The following NUDT6 variants were observed in gnomAD, a reference collection of about 807,000 sequenced individuals.
NUDT6 encodes the protein FAD diphosphatase NUDT6.
Under a neutral mutation model 36.8 loss-of-function variants are expected in NUDT6, and 24 were observed. The ratio of observed to expected loss-of-function variants is 0.65; its 90% confidence interval spans 0.47 to 0.92. The LOEUF is 0.92. Among genes scored for constraint, NUDT6 ranks in the 40% least tolerant of loss-of-function variants. The pLI, the probability that NUDT6 is intolerant of heterozygous loss-of-function variation, is 0.00. For missense variants in NUDT6, 388 were observed against 392.8 expected, an observed-to-expected ratio of 0.99 and a Z score of 0.10; for synonymous variants, 163 against 157.0, an observed-to-expected ratio of 1.04 and a Z score of -0.29.
At chr4:122,896,262 C>G (rs1421030781) in intron 4 of NUDT6, 1 of 151,966 alleles carries the variant, frequency 6.6e-6, no homozygotes, top group African/African-American at 2.4e-5. Flanking sequence ...ATACTTAGGC[C>G]TGAAATTATA....
upstream of NUDT6, chr4:122,922,947 T>C (rs1314737572): frequency 9.3e-6 from 6 of 646,280 alleles, no homozygotes; most frequent in Non-Finnish European, 1.6e-5. Flanking sequence ...CAGATGCCGT[T>C]ACAGCTGTTT....
chr4:122,897,363 G>T, intron 4 of NUDT6: 1 of 430,146 alleles, frequency 2.3e-6, no homozygotes, highest in Non-Finnish European at 4.2e-6. Context: ...CTCATTTTCA[G>T]ACAGATTAAT....
At chr4:122,907,496 G>T (rs569420850) in intron 3 of NUDT6, among the ~76,000 whole-genome samples, 26 of 147,314 alleles carry the variant, frequency 1.8e-4, no homozygotes, top group African/African-American at 6.1e-4. Flanking sequence ...AGTCACCCAG[G>T]CTGGAGTGCA....
chr4:122,900,059 C>A (rs547212616), intron 3 of NUDT6, among the ~76,000 whole-genome samples: 39 of 94,762 alleles, frequency 4.1e-4, no homozygotes, highest in South Asian at 1.1e-3. Flanking sequence ...CCCCCGCCAC[C>A]CCCCCCCCGG....
chr4:122,892,751 G>A lies in NUDT6; in HGVS notation c.*77C>T, dbSNP rs1727221658. ...ATACATTAGAAAATCACAGTCAGAT[G>A]TTTAATCAATCCAAAATGTCCACTA... On this transcript the variant is annotated 3_prime_UTR_variant, in exon 5 of 5. Transcript: ENST00000304430. 9 of 1,375,644 alleles carry A rather than the reference G, an allele frequency of 6.5e-6. No individual in the cohort carries two copies. Among genetic ancestry groups the A allele is most frequent in the Non-Finnish European group, 8.8e-6 (9 of 1,022,462 alleles). 85.2% of individuals were successfully genotyped at this position (1,375,644 alleles called of 1,614,324 possible).
chr4:122,909,021 T>C (rs549147409), intron 3 of NUDT6, among the ~76,000 whole-genome samples: 7 of 151,982 alleles, frequency 4.6e-5, no homozygotes, highest in Non-Finnish European at 1.0e-4. Flanking sequence ...GAAGAACTGA[T>C]AATTACTCTA....
chr4:122,921,111 C>T (rs916833473), intron 1 of NUDT6: 2 of 152,116 alleles, frequency 1.3e-5, no homozygotes, highest in Non-Finnish European at 2.9e-5. Flanking sequence ...TATCATTGGG[C>T]TCAAGGTTGA....
intron 4 of NUDT6, 122 bp from the exon 5 acceptor site, chr4:122,893,347 G>T: frequency 1.1e-6 from 1 of 893,412 alleles, no homozygotes; most frequent in Non-Finnish European, 1.6e-6. Flanking sequence ...ACAAAGTAAA[G>T]TTTTCAATAC....
intron 2 of NUDT6, among the ~76,000 whole-genome samples, chr4:122,916,182 T>C (rs72919879): frequency 0.044 from 6,737 of 152,182 alleles, 486 homozygotes; most frequent in African/African-American, 0.15. Context: ...GGTCCCACCA[T>C]AGACCTACTG....
intron 2 of NUDT6, 119 bp from the exon 3 acceptor site, chr4:122,912,742 A>G: frequency 1.5e-6 from 1 of 655,386 alleles, no homozygotes; most frequent in Non-Finnish European, 2.7e-6. Flanking sequence ...CTTGGTTCAA[A>G]TACAGGTTGA....
chr4:122,921,868 T>A (rs1482095363), intron 1 of NUDT6: 2 of 153,736 alleles, frequency 1.3e-5, no homozygotes, highest in African/African-American at 4.8e-5. Flanking sequence ...GGGAAAAGTG[T>A]CCGACAGAAC....
At chr4:122,901,684 T>C (rs1356527956) in intron 3 of NUDT6, among the ~76,000 whole-genome samples, 1 of 152,234 alleles carries the variant, frequency 6.6e-6, no homozygotes, top group Non-Finnish European at 1.5e-5. Flanking sequence ...CACTATTTCT[T>C]TGAAAACTTA....
At chr4:122,922,942 G>A, upstream of NUDT6, 1 of 628,234 alleles carries the variant, frequency 1.6e-6, no homozygotes, top group Non-Finnish European at 2.8e-6. Flanking sequence ...TTTCACAGAT[G>A]CCGTTACAGC....
chr4:122,918,426 A>G (rs1035723535), intron 1 of NUDT6: 4 of 152,232 alleles, frequency 2.6e-5, no homozygotes, highest in Non-Finnish European at 5.9e-5. Context: ...ATATTATCTC[A>G]TTAAGTGCAC....
At chr4:122,917,421 T>C in intron 2 of NUDT6, 80 bp downstream of exon 2, 1 of 1,147,962 alleles carries the variant, frequency 8.7e-7, no homozygotes, top group East Asian at 2.3e-5. Context: ...ATGAATAAAC[T>C]ATTTGCTTAG....
chr4:122,904,410 C>T (rs764712179), intron 3 of NUDT6, among the ~76,000 whole-genome samples: 87 of 152,204 alleles, frequency 5.7e-4, no homozygotes, highest in Non-Finnish European at 1.1e-3. Context: ...ACATCCCCTC[C>T]ACCCAGTTCT....
chr4:122,918,834 T>C (rs548191204), intron 1 of NUDT6: 1 of 152,300 alleles, frequency 6.6e-6, no homozygotes, highest in Non-Finnish European at 1.5e-5. Flanking sequence ...TTTTAAAAAT[T>C]GAGGTAAAGT....
intron 2 of NUDT6, among the ~76,000 whole-genome samples, chr4:122,915,558 G>T (rs1436980083): frequency 6.6e-6 from 1 of 151,388 alleles, no homozygotes; most frequent in Non-Finnish European, 1.5e-5. Flanking sequence ...CCCAACAGTG[G>T]CTTCAAATCC....
At chr4:122,901,049 C>A (rs1727512103) in intron 3 of NUDT6, among the ~76,000 whole-genome samples, 2 of 152,126 alleles carry the variant, frequency 1.3e-5, no homozygotes, top group African/African-American at 4.8e-5. Context: ...GTGTAAAATT[C>A]CATGATCCTT....
Sources: allele counts gnomAD v4.1 joint callset (sites outside exome capture counted in the v4.1 genomes callset), GRCh38; gene constraint gnomAD v4.1.1; transcripts MANE v1.5; gene names NCBI Gene and HGNC (gene_info 2026-07-23, HGNC 2026-07-21).